Variants in CENPK observed in about 807,000 individuals in gnomAD.
CENPK encodes centromere protein K, also known as SoxLZ/Sox6-binding protein Solt.
In CENPK, 46 loss-of-function variants were observed where a neutral mutation model predicts 40.9. The ratio of observed to expected loss-of-function variants is 1.13; its 90% CI spans 0.89 to 1.44. The LOEUF is 1.44. Among genes scored for constraint, CENPK ranks in the 40% most tolerant of loss-of-function variants. The pLI is 0.00. For synonymous variants in CENPK, 107 were observed against 104.4 expected, an observed-to-expected ratio of 1.02 and a Z score of -0.15; for missense variants, 288 against 303.5, an observed-to-expected ratio of 0.95 and a Z score of 0.38.
chr5:65,557,445 T>C (rs531968783), intron 2 of CENPK, among the ~76,000 whole-genome samples: 2 of 152,320 alleles, frequency 1.3e-5, no homozygotes, highest in African/African-American at 4.8e-5. Flanking sequence ...AAAGGCAATA[T>C]AGCTAACTTC....
chr5:65,527,679 A>T (rs1252479415), intron 9 of CENPK, among the ~76,000 whole-genome samples: 1 of 151,776 alleles, frequency 6.6e-6, no homozygotes, highest in African/African-American at 2.4e-5. Flanking sequence ...AATTTTAAAC[A>T]TCATTCTTTT....
chr5:65,509,463 C>T, the CENPK span, among the ~76,000 whole-genome samples: 39 of 152,310 alleles, frequency 2.6e-4, no homozygotes, highest in African/African-American at 8.9e-4. Context: ...CTTTTCATAG[C>T]TTCATCGCTC....
chr5:65,557,167 T>C (rs13174616), intron 2 of CENPK, among the ~76,000 whole-genome samples: 7,205 of 152,270 alleles, frequency 0.047, 295 homozygotes, highest in African/African-American at 0.1. Flanking sequence ...CATGATACCC[T>C]GAAATCCAAG....
intron 8 of CENPK, 21 bp downstream of exon 8, chr5:65,528,898 C>T: frequency 7.4e-7 from 1 of 1,360,276 alleles, no homozygotes; most frequent in Non-Finnish European, 1.0e-6. Context: ...ATTTTAAAAA[C>T]CTAGAACATA....
chr5:65,507,547 T>G, the CENPK span, among the ~76,000 whole-genome samples: 41 of 152,296 alleles, frequency 2.7e-4, no homozygotes, highest in Non-Finnish European at 4.7e-4. Flanking sequence ...GCTTGTCACT[T>G]TTATTCTCTT....
chr5:65,514,060 C>T (rs1037191095), downstream of CENPK, among the ~76,000 whole-genome samples: 3 of 151,840 alleles, frequency 2.0e-5, no homozygotes, highest in Admixed American at 6.6e-5. Flanking sequence ...AAATAAATGC[C>T]ACCTGACTGT....
intron 5 of CENPK, among the ~76,000 whole-genome samples, chr5:65,544,828 T>C (rs1457161950): frequency 6.6e-6 from 1 of 152,074 alleles, no homozygotes; most frequent in East Asian, 1.9e-4. Flanking sequence ...TCTAAACTAA[T>C]CAAATTAATA....
intron 9 of CENPK, among the ~76,000 whole-genome samples, chr5:65,522,740 T>C (rs1744015333): frequency 6.6e-6 from 1 of 152,198 alleles, no homozygotes; most frequent in Non-Finnish European, 1.5e-5. Flanking sequence ...TCAATTACTT[T>C]TCATATGGCA....
At chr5:65,504,859 T>C in the CENPK span, among the ~76,000 whole-genome samples, 3 of 152,162 alleles carry the variant, frequency 2.0e-5, no homozygotes, top group East Asian at 5.8e-4. Flanking sequence ...CTGGTTGAAG[T>C]TATATCTGTT....
intron 9 of CENPK, among the ~76,000 whole-genome samples, chr5:65,522,704 A>G (rs1220697976): frequency 6.6e-6 from 1 of 152,194 alleles, no homozygotes; most frequent in Non-Finnish European, 1.5e-5. Context: ...GTGCGGGATT[A>G]CAGGTGTGAG....
intron 6 of CENPK, among the ~76,000 whole-genome samples, chr5:65,531,388 T>G (rs1580947556): frequency 6.7e-6 from 1 of 148,884 alleles, no homozygotes; most frequent in East Asian, 2.0e-4. Context: ...AATAAAAACA[T>G]TAACATCAAA....
At chr5:65,525,941 A>G (rs1580907524) in intron 9 of CENPK, among the ~76,000 whole-genome samples, 1 of 152,178 alleles carries the variant, frequency 6.6e-6, no homozygotes, top group East Asian at 1.9e-4. Context: ...TAAACCACCC[A>G]GTCTGTGGTA....
chr5:65,506,349 CAAA>C, the CENPK span, among the ~76,000 whole-genome samples: 4 of 132,728 alleles, frequency 3.0e-5, no homozygotes, highest in Non-Finnish European at 4.8e-5. Flanking sequence ...GAACTTATCT[CAAA>C]AAAAAAAAAA....
intron 5 of CENPK, among the ~76,000 whole-genome samples, chr5:65,548,610 C>A (rs1179682328): frequency 1.3e-5 from 2 of 152,122 alleles, no homozygotes; most frequent in African/African-American, 4.8e-5. Context: ...TCCTCTCAAA[C>A]CCTGACGCTG....
chr5:65,509,507 G>A, the CENPK span, among the ~76,000 whole-genome samples: 1 of 152,194 alleles, frequency 6.6e-6, no homozygotes, highest in East Asian at 1.9e-4. Context: ...TCCATTGTAC[G>A]AATGTACCTC....
intron 6 of CENPK, among the ~76,000 whole-genome samples, chr5:65,538,996 A>G (rs1363278405): frequency 6.6e-6 from 1 of 152,198 alleles, no homozygotes; most frequent in East Asian, 1.9e-4. Context: ...TCTTTTCATC[A>G]TGATTTCTGT....
Position 65,552,534 on chromosome 5 carries a change from A to G in CENPK, c.127T>C (p.Ser43Pro), listed in dbSNP as rs762865136. 3.2e-6 allele frequency: 5 copies of G among 1,544,258 alleles called. No individual in the cohort carries two copies. Among genetic ancestry groups the G allele is most frequent in the Non-Finnish European group, 4.4e-6 (5 of 1,146,258 alleles). Residue 43 changes from serine to proline, a missense_variant, in exon 4 of 11, where the codon TCA becomes CCA. Ser to Pro is a moderately conservative substitution (Grantham distance 74). Transcript: ENST00000396679. ...KDMEECQNKL[S>P]LIGTETLTDS... The stretch of plus-strand genomic sequence containing the variant: ...GTGAGTGTTTCAGTTCCAATAAGTG[A>G]TAATTTATTCTGACACTTGATTTAA...
intron 2 of CENPK, among the ~76,000 whole-genome samples, chr5:65,558,700 G>C (rs1433135430): frequency 6.6e-6 from 1 of 152,142 alleles, no homozygotes; most frequent in Non-Finnish European, 1.5e-5. Context: ...ACCAGAGCAT[G>C]GTTGTATGTT....
chr5:65,528,436 C>A lies in CENPK; in HGVS notation c.597+16G>T. 6.4e-7 allele frequency: 1 copy of A among 1,571,894 alleles called. No individual in the cohort carries two copies. Among genetic ancestry groups the A allele is most frequent in the South Asian group, 1.2e-5 (1 of 83,710 alleles). The stretch of plus-strand genomic sequence containing the variant: ...CAAATATGATAATTTACATAAATGT[C>A]TTCTCTAAAACTTACCTTTTTCTTT... On this transcript the variant is annotated intron_variant, in intron 9 of 10. Transcript: ENST00000396679.
Sources: gnomAD v4.1 joint callset for allele counts (sites outside exome capture counted in the v4.1 genomes callset) on GRCh38, gnomAD v4.1.1 for gene constraint, MANE v1.5 for transcripts, NCBI Gene and HGNC (gene_info 2026-07-23, HGNC 2026-07-21) for gene names.